NALF1: variants seen among roughly 807,000 people sequenced by gnomAD.
NALF1 encodes the protein family with sequence similarity 155 member A.
A neutral mutation model predicts 48.4 loss-of-function variants in NALF1; 3 were observed. The ratio of observed to expected loss-of-function variants is 0.06; its 90% CI spans 0.03 to 0.16. The LOEUF (loss-of-function observed/expected upper bound fraction) is 0.16. Among genes scored for constraint, NALF1 ranks in the 10% least tolerant of loss-of-function variants. NALF1 has a pLI of 1.00. For synonymous variants in NALF1, 262 were observed against 245.7 expected, an observed-to-expected ratio of 1.07 and a Z score of -0.62; for missense variants, 526 against 571.5, an observed-to-expected ratio of 0.92 and a Z score of 0.81.
rs560484400 is a variant in NALF1, at chr13:107,492,331, G to A, written c.916-281576C>T. ...TCCAAAGTGCTGGGATTACAGGCATGAGCCACTGTGCCCAGCCACAAGCCT... is the reference window on the plus strand; with the variant it reads ...TCCAAAGTGCTGGGATTACAGGCATAAGCCACTGTGCCCAGCCACAAGCCT... On this transcript the variant is annotated intron_variant, in intron 1 of 2. Transcript: ENST00000375915. Among the ~76,000 whole-genome samples the A allele has an allele frequency of 5.9e-5, 9 of 152,126 alleles. No individual in the cohort carries two copies. The East Asian group carries it at 1.2e-3, about 20-fold the overall frequency.
At position 107,825,216 on chromosome 13, in the gene NALF1, A is replaced by G. The variant is rs147178497; in HGVS notation, c.915+40466T>C. 3.5e-4 allele frequency among the ~76,000 whole-genome samples: 53 copies of G among 152,290 alleles called. 2 individuals are homozygous for G. Among genetic ancestry groups the G allele is most frequent in the African/African-American group, 1.2e-3 (50 of 41,574 alleles). On this transcript the variant is annotated intron_variant, in intron 1 of 2. Transcript: ENST00000375915. The stretch of plus-strand genomic sequence containing the variant: ...TTATGTGATAGGTGATCTAAAATCT[A>G]CCTTCCAAAATTCCCTCAGCTGCAA...
At position 107,552,075 on chromosome 13, in the gene NALF1, G is replaced by A. The variant is rs143784440; in HGVS notation, c.915+313607C>T. Among the ~76,000 whole-genome samples, 332 of 152,226 alleles carry A rather than the reference G, an allele frequency of 2.2e-3. 1 individual carries two copies. Among genetic ancestry groups the A allele is most frequent in the Middle Eastern group, 0.01 (3 of 294 alleles). On this transcript the variant is annotated intron_variant, in intron 1 of 2. Coordinates refer to ENST00000375915, the MANE Select transcript of NALF1 (RefSeq NM_001080396.3). ...TGACAAGAATATATCCCCTCCAGAG[G>A]TGTACTAAAGGAAAATGCATGGGAA... is the stretch of plus-strand genomic sequence containing the variant.
chr13:107,323,653 A>G (rs1566485174), intron 1 of NALF1, among the ~76,000 whole-genome samples: 1 of 152,170 alleles, frequency 6.6e-6, no homozygotes, highest in African/African-American at 2.4e-5. Context: ...CACAGCCCAG[A>G]GCAGACTCTA....
At chr13:107,459,200 A>C (rs1442693132) in intron 1 of NALF1, among the ~76,000 whole-genome samples, 4 of 152,058 alleles carry the variant, frequency 2.6e-5, no homozygotes, top group Non-Finnish European at 5.9e-5. Flanking sequence ...TATACAAAGA[A>C]CTCATAAAAC....
intron 1 of NALF1, among the ~76,000 whole-genome samples, chr13:107,836,790 T>A (rs1177088397): frequency 6.6e-6 from 1 of 152,142 alleles, no homozygotes; most frequent in African/African-American, 2.4e-5. Context: ...TAAGTGAAAA[T>A]CTTTGGAAAT....
chr13:107,413,572 CTGTT>C (rs902379241), intron 1 of NALF1, among the ~76,000 whole-genome samples: 24 of 152,124 alleles, frequency 1.6e-4, no homozygotes, highest in Admixed American at 9.2e-4. Context: ...AGGTGACTAT[CTGTT>C]TGTTGGTCAC....
At chr13:107,700,505 T>C (rs1036639802) in intron 1 of NALF1, among the ~76,000 whole-genome samples, 2 of 151,944 alleles carry the variant, frequency 1.3e-5, no homozygotes, top group Non-Finnish European at 2.9e-5. Flanking sequence ...GAATAAAGGC[T>C]CTAAATGTAT....
At chr13:107,408,894 A>G (rs1204665492) in intron 1 of NALF1, among the ~76,000 whole-genome samples, 2 of 152,170 alleles carry the variant, frequency 1.3e-5, no homozygotes, top group African/African-American at 4.8e-5. Flanking sequence ...ATATTTTTTT[A>G]CTAGTTTTTC....
At chr13:107,815,182 G>A (rs1879125712) in intron 1 of NALF1, among the ~76,000 whole-genome samples, 1 of 151,958 alleles carries the variant, frequency 6.6e-6, no homozygotes, top group Non-Finnish European at 1.5e-5. Context: ...AAAAACTTTT[G>A]TACTTCAAAG....
intron 1 of NALF1, among the ~76,000 whole-genome samples, chr13:107,731,509 C>G (rs887262980): frequency 1.3e-5 from 2 of 152,074 alleles, no homozygotes; most frequent in Non-Finnish European, 2.9e-5. Context: ...AGTATTAAGT[C>G]TAGTACCCAA....
chr13:107,766,372 A>AT (rs57668065), intron 1 of NALF1, among the ~76,000 whole-genome samples: 1 of 152,044 alleles, frequency 6.6e-6, no homozygotes, highest in Non-Finnish European at 1.5e-5. Context: ...TCAGAGAAAC[A>AT]TTTTTTTTAA....
At chr13:107,628,809 G>T (rs116763824) in intron 1 of NALF1, among the ~76,000 whole-genome samples, 104 of 152,132 alleles carry the variant, frequency 6.8e-4, no homozygotes, top group African/African-American at 2.4e-3. Context: ...AATAATCATG[G>T]CATCTAGACA....
At chr13:107,710,789 ACATATATG>A (rs1875559433) in intron 1 of NALF1, among the ~76,000 whole-genome samples, 2 of 138,970 alleles carry the variant, frequency 1.4e-5, no homozygotes, top group African/African-American at 5.3e-5. Flanking sequence ...GTGTATATAC[ACATATATG>A]TATATATACA....
intron 1 of NALF1, among the ~76,000 whole-genome samples, chr13:107,228,865 C>A (rs1277726241): frequency 6.6e-6 from 1 of 152,108 alleles, no homozygotes; most frequent in African/African-American, 2.4e-5. Flanking sequence ...AGGTAATCCA[C>A]CCGCCTTGGC....
chr13:107,563,193 G>C (rs1437399516), intron 1 of NALF1, among the ~76,000 whole-genome samples: 1 of 152,180 alleles, frequency 6.6e-6, no homozygotes, highest in Non-Finnish European at 1.5e-5. Context: ...GGAGATTCCA[G>C]CCTGCTGGGG....
At chr13:107,700,198 A>C (rs1881787141) in intron 1 of NALF1, among the ~76,000 whole-genome samples, 1 of 151,980 alleles carries the variant, frequency 6.6e-6, no homozygotes, top group South Asian at 2.1e-4. Context: ...ATAGACAAAG[A>C]AATACCGAGG....
intron 1 of NALF1, among the ~76,000 whole-genome samples, chr13:107,662,880 G>T (rs1256700295): frequency 1.3e-5 from 2 of 151,870 alleles, no homozygotes; most frequent in South Asian, 2.1e-4. Flanking sequence ...TGCTTTTTTG[G>T]CTAAGTATGT....
Position 107,697,473 on chromosome 13 carries a change from T to C in NALF1, c.915+168209A>G, listed in dbSNP as rs887744801. 3.3e-5 allele frequency among the ~76,000 whole-genome samples: 5 copies of C among 152,160 alleles called. No individual in the cohort carries two copies. In the East Asian group the frequency reaches 9.6e-4, roughly 29 times the overall value. On this transcript the variant is annotated intron_variant, in intron 1 of 2. Coordinates refer to ENST00000375915, the MANE Select transcript of NALF1 (RefSeq NM_001080396.3). ...TATACCTTCATGTTCTAAAACTTGA[T>C]TGGTATTGTACAATATTCAATTGTG... is the stretch of plus-strand genomic sequence containing the variant.
rs940608177 is a variant in NALF1 at position 107,702,665 on chromosome 13, A to G, written c.915+163017T>C. Among the ~76,000 whole-genome samples the G allele has an allele frequency of 1.1e-4, 17 of 152,214 alleles. 1 individual carries two copies. Among genetic ancestry groups the G allele is most frequent in the Admixed American group, 3.9e-4 (6 of 15,294 alleles). On this transcript the variant is annotated intron_variant, in intron 1 of 2. Coordinates refer to ENST00000375915, the MANE Select transcript of NALF1 (RefSeq NM_001080396.3). Reference sequence around the variant, plus strand: ...CACCTAGGTATTAAGCCCAGCATCCATTAGCTGTTCTTCCTGATGCTCTCC... The same window carrying G: ...CACCTAGGTATTAAGCCCAGCATCCGTTAGCTGTTCTTCCTGATGCTCTCC...
Sources: allele counts gnomAD v4.1 joint callset (sites outside exome capture counted in the v4.1 genomes callset), GRCh38; gene constraint gnomAD v4.1.1; transcripts MANE v1.5; gene names NCBI Gene and HGNC (gene_info 2026-07-23, HGNC 2026-07-21).